ATAD5: variants seen among roughly 807,000 people sequenced by gnomAD.
ATAD5 encodes ATPase family AAA domain containing 5, also known as ATPase family AAA domain-containing protein 5.
Under a neutral mutation model 176.9 loss-of-function variants are expected in ATAD5, and 58 were observed. The observed-to-expected ratio is 0.33, with a 90% confidence interval of 0.27 to 0.41. The LOEUF (loss-of-function observed/expected upper bound fraction) is 0.41. ATAD5 is among the 10% of genes least tolerant of loss of function. ATAD5 has a pLI of 1.00. For missense variants in ATAD5, 1,789 were observed against 2,094.1 expected (o/e 0.85, Z 2.84); for synonymous variants, 640 against 712.6 (o/e 0.90, Z 1.62).
chr17:30,863,633 TG>T (rs1258174225), intron 10 of ATAD5, among the ~76,000 whole-genome samples: 1 of 148,586 alleles, frequency 6.7e-6, no homozygotes, highest in Non-Finnish European at 1.5e-5. Flanking sequence ...CCGAAAATGC[TG>T]GGATTACAGG....
chr17:30,835,658 A>T lies in ATAD5; in HGVS notation c.1577A>T (p.Glu526Val). Residue 526 changes from glutamate (E) to valine (V), a missense_variant, in exon 2 of 23, where the codon GAG becomes GTG. By Grantham distance (121) the Glu-to-Val change is moderately radical (BLOSUM62 -2). Transcript: ENST00000321990. ...ATGAGTTTAAGACAAAGGAAAACAGAGTTTTTCAAAAGCAGCACTTTATTT... is the reference window on the plus strand; with the variant it reads ...ATGAGTTTAAGACAAAGGAAAACAGTGTTTTTCAAAAGCAGCACTTTATTT... ...NRMSLRQRKT[E>V]FFKSSTLFNN... 1 of 1,603,822 alleles carries T rather than the reference A, an allele frequency of 6.2e-7. No homozygotes were observed.
chr17:30,835,611 A>C lies in ATAD5; in HGVS notation c.1530A>C (p.Lys510Asn). 6.2e-7 allele frequency: 1 copy of C among 1,611,622 alleles called. No individual in the cohort carries two copies. Among genetic ancestry groups the C allele is most frequent in the Non-Finnish European group, 8.5e-7 (1 of 1,178,948 alleles). ...TQKKETTFFL[K>N]EKQYQNRMSL... ...AGAAAGAAACAACCTTTTTCTTAAAAGAGAAACAATATCAAAATAGAATGA... is the reference window on the plus strand; with the variant it reads ...AGAAAGAAACAACCTTTTTCTTAAACGAGAAACAATATCAAAATAGAATGA... The change falls in exon 2 of 23, where the codon AAA (lysine) becomes AAC (asparagine). Residue 510 changes from lysine to asparagine, a missense_variant. Around this residue, in one of 6 missense-constraint regions of ATAD5, gnomAD observed 696 missense variants for 712.5 expected, o/e 0.98. Transcript: ENST00000321990.
intron 19 of ATAD5, among the ~76,000 whole-genome samples, chr17:30,891,022 A>G (rs1246763215): frequency 6.6e-6 from 1 of 152,228 alleles, no homozygotes; most frequent in African/African-American, 2.4e-5. Flanking sequence ...AGACATTTAC[A>G]TTATCTTCAA....
chr17:30,886,267 A>G (rs751942137), intron 18 of ATAD5, among the ~76,000 whole-genome samples: 56 of 151,220 alleles, frequency 3.7e-4, no homozygotes, highest in Non-Finnish European at 4.7e-4. Context: ...TCTTTTTTCT[A>G]AGAGTTTGTA....
chr17:30,867,882 GGCCTGA>G (rs1172656949), intron 11 of ATAD5, among the ~76,000 whole-genome samples: 1 of 152,178 alleles, frequency 6.6e-6, no homozygotes, highest in Non-Finnish European at 1.5e-5. Flanking sequence ...TGGGATTACA[GGCCTGA>G]GCCACTGTGC....
chr17:30,842,270 AAAATAAATAAATAAAT>A (rs142388314), intron 4 of ATAD5, among the ~76,000 whole-genome samples: 2 of 150,398 alleles, frequency 1.3e-5, no homozygotes, highest in African/African-American at 4.9e-5. Flanking sequence ...CTCCATCTCA[AAAATAAATAAATAAAT>A]AAATAAATAA....
chr17:30,881,929 T>C (rs989713567), intron 18 of ATAD5, among the ~76,000 whole-genome samples: 4 of 150,172 alleles, frequency 2.7e-5, no homozygotes, highest in African/African-American at 9.9e-5. Flanking sequence ...AAAAAAATAA[T>C]TGTTTCTTTT....
Position 30,835,861 on chromosome 17 carries a change from A to T in ATAD5, c.1780A>T (p.Thr594Ser), listed in dbSNP as rs377421631. 17 of 1,614,068 alleles carry T rather than the reference A, an allele frequency of 1.1e-5. No individual in the cohort carries two copies. The highest frequency in any genetic ancestry group is 1.4e-5 in the Non-Finnish European group (17 of 1,180,002). Reference protein sequence around the residue: ...SLLNVSTPKSTRRSGRISSTP... With the variant: ...SLLNVSTPKSSRRSGRISSTP... The stretch of plus-strand genomic sequence containing the variant: ...GCTAAATGTTTCCACGCCCAAGTCA[A>T]CTAGAAGATCTGGAAGAATTAGCAG... Residue 594 changes from threonine (T) to serine (S), a missense_variant, in exon 2 of 23, where the codon ACT becomes TCT. Physicochemically the swap from Thr to Ser is moderately conservative, Grantham distance 58. This residue lies in a region of ATAD5 where 696 missense variants were observed against 712.5 expected (regional missense o/e 0.98). Coordinates refer to ENST00000321990, the MANE Select transcript of ATAD5 (RefSeq NM_024857.5).
Position 30,878,169 on chromosome 17 carries a change from A to T in ATAD5, c.4012+73A>T, listed in dbSNP as rs571145558. ...AGTTCATCTGCAGACTGGAGTAATT[A>T]TAATTAACTCACAAATAGCAATTAC... is the stretch of plus-strand genomic sequence containing the variant. On this transcript the variant is annotated intron_variant, in intron 17 of 22. Transcript: ENST00000321990. 6 of 983,092 alleles carry T rather than the reference A, an allele frequency of 6.1e-6. No individual in the cohort carries two copies. In the Admixed American group the frequency reaches 1.4e-4, roughly 22 times the overall value. The allele number at this position is 983,092 out of a possible 1,614,324, so 60.9% of individuals were successfully genotyped here.
At chr17:30,847,716 C>CTT (rs1567682169) in intron 6 of ATAD5, among the ~76,000 whole-genome samples, 10 of 139,316 alleles carry the variant, frequency 7.2e-5, no homozygotes, top group African/African-American at 2.7e-4. Flanking sequence ...CTGCTATGAA[C>CTT]ATTTTTTTTT....
At chr17:30,872,164 C>G (rs1414828858) in intron 14 of ATAD5, among the ~76,000 whole-genome samples, 1 of 152,146 alleles carries the variant, frequency 6.6e-6, no homozygotes, top group African/African-American at 2.4e-5. Context: ...GTCTTCCTGC[C>G]TTGGCCTCCC....
chr17:30,867,644 C>T (rs537383520), intron 11 of ATAD5, among the ~76,000 whole-genome samples: 1 of 152,222 alleles, frequency 6.6e-6, no homozygotes, highest in South Asian at 2.1e-4. Flanking sequence ...CAGGGTCTTG[C>T]TCTGTTGCCC....
In ATAD5 at chr17:30,855,182, A is replaced by G. The variant is rs1453809994; in HGVS notation, c.2490A>G (p.Gln830=). 4 of 1,611,866 alleles carry G rather than the reference A, an allele frequency of 2.5e-6. No individual in the cohort carries two copies. Among genetic ancestry groups the G allele is most frequent in the Admixed American group, 1.7e-5 (1 of 59,280 alleles). The change falls in exon 7 of 23, where the codon CAA becomes CAG. Residue 830 remains glutamine (Q), a synonymous_variant. Coordinates refer to ENST00000321990, the MANE Select transcript of ATAD5 (RefSeq NM_024857.5). The part of the protein sequence containing the change: ...TSEKSQDCDV[Q]CKAKRDFLMS... ...AAAAATCTCAGGATTGTGATGTTCA[A>G]TGTAAAGCAAAGCGTGACTTCCTAA...
In ATAD5 at chr17:30,869,477, T is replaced by C; in HGVS notation, c.3457-19T>C. ...CATAAACCATTCTCCCTTCGTTTTT[T>C]CTTATATTCTTCTTTTAGATATTTG... On this transcript the variant is annotated intron_variant, in intron 13 of 22. Coordinates refer to ENST00000321990, the MANE Select transcript of ATAD5 (RefSeq NM_024857.5). 6.2e-7 allele frequency: 1 copy of C among 1,609,556 alleles called. No individual in the cohort carries two copies. The highest frequency in any genetic ancestry group is 8.5e-7 in the Non-Finnish European group (1 of 1,179,038).
At chr17:30,889,016 C>A (rs187379658) in intron 19 of ATAD5, among the ~76,000 whole-genome samples, 105 of 149,076 alleles carry the variant, frequency 7.0e-4, no homozygotes, top group African/African-American at 2.4e-3. Context: ...GCCAAGATCG[C>A]ACCACTGCAT....
At chr17:30,846,450 T>G (rs1906510694) in intron 6 of ATAD5, among the ~76,000 whole-genome samples, 1 of 151,266 alleles carries the variant, frequency 6.6e-6, no homozygotes, top group African/African-American at 2.4e-5. Flanking sequence ...GTCACTAGGC[T>G]GGAGTGCAGT....
chr17:30,868,929 TG>T (rs1211039890), intron 12 of ATAD5, among the ~76,000 whole-genome samples: 2 of 147,526 alleles, frequency 1.4e-5, no homozygotes, highest in African/African-American at 5.0e-5. Context: ...CTCCACCTCC[TG>T]GGTTCAAGTG....
intron 8 of ATAD5, among the ~76,000 whole-genome samples, chr17:30,857,338 C>A (rs574421862): frequency 6.7e-4 from 102 of 152,082 alleles, no homozygotes; most frequent in Non-Finnish European, 1.3e-3. Flanking sequence ...GCCTCAGCCT[C>A]CCGAGTAGCT....
intron 18 of ATAD5, among the ~76,000 whole-genome samples, chr17:30,882,173 T>G (rs1475663663): frequency 6.6e-6 from 1 of 151,782 alleles, no homozygotes; most frequent in African/African-American, 2.4e-5. Context: ...GGAGAATTGC[T>G]CGAACCTGGG....
Sources: allele counts gnomAD v4.1 joint callset (sites outside exome capture counted in the v4.1 genomes callset), GRCh38; gene constraint gnomAD v4.1.1; regional missense constraint gnomAD v4.1.1; transcripts MANE v1.5; gene names NCBI Gene and HGNC (gene_info 2026-07-23, HGNC 2026-07-21).